The following CTNND2 variants were observed in gnomAD, a reference collection of about 807,000 sequenced individuals.
The protein encoded by CTNND2 is catenin delta-2.
Under a neutral mutation model 144.4 loss-of-function variants are expected in CTNND2, and 22 were observed. That is an observed-to-expected ratio of 0.15 (90% CI 0.11 to 0.22). The LOEUF is 0.22. Among genes scored for constraint, CTNND2 ranks in the 10% least tolerant of loss-of-function variants. CTNND2 has a pLI of 1.00. For missense variants in CTNND2, 1,353 were observed against 1,618.8 expected (o/e 0.84, Z 2.82); for synonymous variants, 751 against 695.6 (o/e 1.08, Z -1.25).
intron 1 of CTNND2, among the ~76,000 whole-genome samples, chr5:11,744,394 C>A (rs1312001332): frequency 1.3e-5 from 2 of 152,120 alleles, no homozygotes; most frequent in African/African-American, 4.8e-5. Context: ...CAGGGCAGAA[C>A]TGACAGATCT....
chr5:11,843,633 T>C (rs1200642991), intron 1 of CTNND2, among the ~76,000 whole-genome samples: 1 of 152,208 alleles, frequency 6.6e-6, no homozygotes, highest in Non-Finnish European at 1.5e-5. Flanking sequence ...TTTGAGATAA[T>C]ACTCAAGAAA....
At chr5:11,726,833 A>C (rs1787050285) in intron 2 of CTNND2, among the ~76,000 whole-genome samples, 1 of 152,224 alleles carries the variant, frequency 6.6e-6, no homozygotes, top group African/African-American at 2.4e-5. Flanking sequence ...AAATGAGTTA[A>C]TTCTTGGAAT....
At chr5:11,565,357 C>T (rs1447854019) in intron 2 of CTNND2, among the ~76,000 whole-genome samples, 2 of 152,184 alleles carry the variant, frequency 1.3e-5, no homozygotes, top group African/African-American at 4.8e-5. Context: ...TTATCCTGTG[C>T]TATCTTTGGC....
intron 12 of CTNND2, among the ~76,000 whole-genome samples, chr5:11,128,861 T>C (rs1487655699): frequency 1.4e-5 from 1 of 69,862 alleles, no homozygotes; most frequent in Non-Finnish European, 2.8e-5. Flanking sequence ...ATATAATATA[T>C]ATAATATATA....
At chr5:11,306,680 T>C (rs1230786319) in intron 9 of CTNND2, among the ~76,000 whole-genome samples, 1 of 152,240 alleles carries the variant, frequency 6.6e-6, no homozygotes, top group East Asian at 1.9e-4. Flanking sequence ...TTAAACTTTA[T>C]GGATGTGCTT....
At chr5:11,101,879 G>A (rs1294426027) in intron 14 of CTNND2, among the ~76,000 whole-genome samples, 3 of 144,352 alleles carry the variant, frequency 2.1e-5, no homozygotes, top group African/African-American at 2.5e-5. Flanking sequence ...TCTGCATGAC[G>A]ACCACATATG....
intron 3 of CTNND2, among the ~76,000 whole-genome samples, chr5:11,545,786 C>T (rs1561539118): frequency 1.3e-5 from 2 of 151,878 alleles, no homozygotes; most frequent in African/African-American, 4.8e-5. Flanking sequence ...CATGTGTGTC[C>T]ACATATAAAC....
At chr5:11,523,611 T>C (rs1283666102) in intron 3 of CTNND2, among the ~76,000 whole-genome samples, 1 of 152,222 alleles carries the variant, frequency 6.6e-6, no homozygotes, top group African/African-American at 2.4e-5. Flanking sequence ...TTGATGAATT[T>C]ACTACAGTGA....
chr5:11,383,350 T>G (rs1300547307), intron 7 of CTNND2, among the ~76,000 whole-genome samples: 1 of 152,186 alleles, frequency 6.6e-6, no homozygotes, highest in African/African-American at 2.4e-5. Context: ...CAAAAGCATT[T>G]ACATGAAGTT....
At chr5:11,664,241 G>A (rs1289000057) in intron 2 of CTNND2, among the ~76,000 whole-genome samples, 1 of 152,134 alleles carries the variant, frequency 6.6e-6, no homozygotes, top group Non-Finnish European at 1.5e-5. Context: ...TCACTTCTGT[G>A]TCATACCTTG....
intron 11 of CTNND2, among the ~76,000 whole-genome samples, chr5:11,162,631 T>C (rs1195680664): frequency 1.3e-5 from 2 of 152,140 alleles, no homozygotes; most frequent in African/African-American, 4.8e-5. Context: ...GCAATGAATC[T>C]CTATCAAGCA....
Position 11,203,450 on chromosome 5 carries a change from T to G in CTNND2, c.1762-3789A>C, listed in dbSNP as rs940750071. Among the ~76,000 whole-genome samples, 13 of 152,268 alleles carry G rather than the reference T, an allele frequency of 8.5e-5. 1 individual carries two copies. The highest frequency in any genetic ancestry group is 3.9e-4 in the Admixed American group (6 of 15,296). On this transcript the variant is annotated intron_variant, in intron 10 of 21. Transcript: ENST00000304623. Reference sequence around the variant, plus strand: ...AAATTGTTTTTGTTTTGTTTTGTTTTGTTTTGTTTTTAGACAGAGTTGCGC... The same window carrying G: ...AAATTGTTTTTGTTTTGTTTTGTTTGGTTTTGTTTTTAGACAGAGTTGCGC...
At chr5:11,430,199 A>G (rs1239136390) in intron 3 of CTNND2, among the ~76,000 whole-genome samples, 1 of 141,802 alleles carries the variant, frequency 7.1e-6, no homozygotes, top group East Asian at 2.2e-4. Flanking sequence ...CAGTGAGCTG[A>G]GACTGCGCCA....
At position 11,236,695 on chromosome 5, in the gene CTNND2, G is replaced by T; in HGVS notation, c.1757C>A (p.Ala586Asp). 1.2e-6 allele frequency: 2 copies of T among 1,614,122 alleles called. No homozygotes were observed. Among genetic ancestry groups the T allele is most frequent in the Non-Finnish European group, 1.7e-6 (2 of 1,179,986 alleles). Residue 586 changes from alanine (A) to aspartate (D), a missense_variant, in exon 10 of 22, where the codon GCC becomes GAC. Ala to Asp is a moderately radical substitution (Grantham distance 126, BLOSUM62 -2). This residue lies in a region of CTNND2 where 69 missense variants were observed against 120.3 expected (regional missense o/e 0.57). Transcript: ENST00000304623. The part of the protein sequence containing the change: ...HLCFGDNKIK[A>D]EIRRQGGIQL... ...CAGAATCCAAGGAGCACTGACCTCGGCTTTAATTTTGTTGTCTCCAAAACA... is the reference window on the plus strand; with the variant it reads ...CAGAATCCAAGGAGCACTGACCTCGTCTTTAATTTTGTTGTCTCCAAAACA...
chr5:11,023,375 T>A lies in CTNND2; in HGVS notation c.2789-396A>T, dbSNP rs540422363. 5.9e-5 allele frequency among the ~76,000 whole-genome samples: 9 copies of A among 152,342 alleles called. No individual in the cohort carries two copies. In the South Asian group the frequency reaches 1.7e-3, roughly 28 times the overall value. On this transcript the variant is annotated intron_variant, in intron 16 of 21. Coordinates refer to ENST00000304623, the MANE Select transcript of CTNND2 (RefSeq NM_001332.4). ...TCCATAGGTATTAGCTATTATTATG[T>A]TCTTGCTTGATGTTTATAGAAGTCA...
Position 11,129,226 on chromosome 5 carries a change from A to ATATATATTATATAT in CTNND2, c.2160-11673_2160-11660dup, listed in dbSNP as rs1163385284. ...TTATATATTTATATATTATATATAAATATATATTATATATTATATATTATA... is the reference window on the plus strand; with the variant it reads ...TTATATATTTATATATTATATATAAATATATATTATATATTATATATTATATATTATATATTATA... On this transcript the variant is annotated intron_variant, in intron 12 of 21. Coordinates refer to ENST00000304623, the MANE Select transcript of CTNND2 (RefSeq NM_001332.4). Among the ~76,000 whole-genome samples the ATATATATTATATAT allele has an allele frequency of 5.0e-4, 20 of 39,944 alleles. No individual in the cohort carries two copies. The East Asian group carries it at 6.0e-3, about 12-fold the overall frequency. The allele number at this position is 39,944 out of a possible 152,430, so 26.2% of individuals were successfully genotyped here.
chr5:11,744,987 C>T (rs542169035), intron 1 of CTNND2, among the ~76,000 whole-genome samples: 4 of 152,092 alleles, frequency 2.6e-5, no homozygotes, highest in Non-Finnish European at 5.9e-5. Flanking sequence ...CCACCCACCT[C>T]GGCCAAAGTA....
chr5:11,480,264 G>A (rs1228292604), intron 3 of CTNND2, among the ~76,000 whole-genome samples: 1 of 152,132 alleles, frequency 6.6e-6, no homozygotes, highest in Non-Finnish European at 1.5e-5. Flanking sequence ...ACTGAACAAG[G>A]AGTCCCTTAC....
chr5:11,762,738 T>C (rs1364696813), intron 1 of CTNND2, among the ~76,000 whole-genome samples: 2 of 152,142 alleles, frequency 1.3e-5, no homozygotes, highest in Non-Finnish European at 2.9e-5. Context: ...CAATACATCT[T>C]CCACATGGAC....
Sources: gnomAD v4.1 joint callset for allele counts (sites outside exome capture counted in the v4.1 genomes callset) on GRCh38, gnomAD v4.1.1 for gene constraint, gnomAD v4.1.1 regional missense constraint, MANE v1.5 for transcripts, NCBI Gene and HGNC (gene_info 2026-07-23, HGNC 2026-07-21) for gene names.